Variants in TESC observed in about 807,000 individuals in gnomAD.
The protein encoded by TESC is calcineurin B homologous protein 3.
Under a neutral mutation model 31.0 loss-of-function variants are expected in TESC, and 19 were observed. That is an observed-to-expected ratio of 0.61 (90% CI 0.43 to 0.90). The LOEUF is 0.90. TESC is among the 40% of genes least tolerant of loss of function. The pLI, the probability that TESC is intolerant of heterozygous loss-of-function variation, is 0.00. For missense variants in TESC, 248 were observed against 303.8 expected, an observed-to-expected ratio of 0.82 and a Z score of 1.36; for synonymous variants, 109 against 114.8, an observed-to-expected ratio of 0.95 and a Z score of 0.32.
chr12:117,060,034 AG>A (rs1246937460), intron 2 of TESC, among the ~76,000 whole-genome samples: 1 of 152,106 alleles, frequency 6.6e-6, no homozygotes, highest in Non-Finnish European at 1.5e-5. Context: ...CAAAGTGGAG[AG>A]ATGTGGTTTC....
At chr12:117,054,667 C>A (rs1470209192) in intron 3 of TESC, among the ~76,000 whole-genome samples, 1 of 152,198 alleles carries the variant, frequency 6.6e-6, no homozygotes, top group Non-Finnish European at 1.5e-5. Flanking sequence ...TCCAGTGGGA[C>A]CCTGGGAGGC....
chr12:117,046,754 C>A (rs758644127), intron 5 of TESC, 23 bp downstream of exon 5: 3 of 1,557,426 alleles, frequency 1.9e-6, no homozygotes, highest in Non-Finnish European at 1.7e-6. Flanking sequence ...GAGCCCCGGG[C>A]GGGCCAGAGG....
At chr12:117,093,962 G>A (rs1955355085) in intron 1 of TESC, among the ~76,000 whole-genome samples, 1 of 151,992 alleles carries the variant, frequency 6.6e-6, no homozygotes, top group African/African-American at 2.4e-5. Flanking sequence ...AGGAAGTGGG[G>A]CCAGCTCAAG....
chr12:117,099,326 C>T lies in TESC; in HGVS notation c.-44G>A. The T allele has an allele frequency of 7.2e-7, 1 of 1,398,386 alleles. No individual in the cohort carries two copies. Among genetic ancestry groups the T allele is most frequent in the Non-Finnish European group, 9.3e-7 (1 of 1,080,188 alleles). The allele number at this position is 1,398,386 out of a possible 1,614,324, so 86.6% of individuals were successfully genotyped here. A position where few individuals can be genotyped will look rare whatever the true frequency, so the allele number is the denominator to read the frequency against. Reference sequence around the variant, plus strand: ...CCCGGGGCGCGCGTCCCTCTCAGGCCCCGCACTGGCTTCGGCTGCGCAGCG... The same window carrying T: ...CCCGGGGCGCGCGTCCCTCTCAGGCTCCGCACTGGCTTCGGCTGCGCAGCG... On this transcript the variant is annotated 5_prime_UTR_variant, in exon 1 of 8. Transcript: ENST00000335209.
At chr12:117,076,440 A>ATCTCAGG (rs1349763100) in intron 1 of TESC, among the ~76,000 whole-genome samples, 5 of 152,162 alleles carry the variant, frequency 3.3e-5, no homozygotes, top group African/African-American at 1.2e-4. Context: ...AGTGGATATT[A>ATCTCAGG]TCTCAGGTAT....
chr12:117,067,950 A>C (rs1954910531), intron 2 of TESC, among the ~76,000 whole-genome samples: 2 of 152,220 alleles, frequency 1.3e-5, no homozygotes, highest in East Asian at 1.9e-4. Context: ...GCTGGAGTGC[A>C]GTGGCAAGAC....
At chr12:117,053,280 C>A (rs918514072) in intron 3 of TESC, among the ~76,000 whole-genome samples, 1 of 152,218 alleles carries the variant, frequency 6.6e-6, no homozygotes. Context: ...AGTCTGGCAG[C>A]GGCATACCCA....
At chr12:117,040,584 C>T (rs1055882455) in intron 7 of TESC, among the ~76,000 whole-genome samples, 2 of 148,316 alleles carry the variant, frequency 1.3e-5, no homozygotes, top group Non-Finnish European at 3.0e-5. Context: ...CTTGCTCTGG[C>T]GGGCGTCACC....
chr12:117,048,346 G>A (rs1013815154), intron 4 of TESC, among the ~76,000 whole-genome samples: 1 of 152,204 alleles, frequency 6.6e-6, no homozygotes, highest in Admixed American at 6.5e-5. Flanking sequence ...ACACATTCCA[G>A]TGCTAAATAT....
rs1416087817 is a variant in TESC at position 117,038,954 on chromosome 12, G to A, written c.*179C>T. The A allele has an allele frequency of 3.8e-6, 2 of 525,250 alleles. No individual in the cohort carries two copies. The highest frequency in any genetic ancestry group is 6.6e-6 in the Non-Finnish European group (2 of 302,758). 32.5% of individuals were successfully genotyped at this position (525,250 alleles called of 1,614,324 possible). On this transcript the variant is annotated 3_prime_UTR_variant, in exon 8 of 8. Coordinates refer to ENST00000335209, the MANE Select transcript of TESC (RefSeq NM_017899.4). ...AACAAACCTTTTTTTTTTTTTTATT[G>A]GAGATAAAAACAGCGAAGTCCCACA...
At chr12:117,093,152 C>T (rs1048558799) in intron 1 of TESC, among the ~76,000 whole-genome samples, 5 of 152,170 alleles carry the variant, frequency 3.3e-5, no homozygotes, top group Non-Finnish European at 5.9e-5. Context: ...TGTTGGGGTG[C>T]TCCCCTGTCC....
intron 6 of TESC, among the ~76,000 whole-genome samples, chr12:117,045,317 T>C (rs550824230): frequency 6.6e-6 from 1 of 152,358 alleles, no homozygotes; most frequent in East Asian, 1.9e-4. Context: ...GGGGGTTTTA[T>C]GCAGATCAGC....
intron 2 of TESC, among the ~76,000 whole-genome samples, chr12:117,064,763 C>T (rs1954850701): frequency 6.6e-6 from 1 of 152,160 alleles, no homozygotes; most frequent in Admixed American, 6.5e-5. Flanking sequence ...AAAAAAGTGA[C>T]ATTTGAGCAG....
intron 6 of TESC, among the ~76,000 whole-genome samples, chr12:117,042,878 T>A (rs1249428910): frequency 2.6e-5 from 4 of 152,150 alleles, no homozygotes; most frequent in African/African-American, 9.7e-5. Context: ...TAGTGTTCCA[T>A]TACTGGAACG....
At chr12:117,044,090 C>T (rs1954522635) in intron 6 of TESC, among the ~76,000 whole-genome samples, 1 of 152,068 alleles carries the variant, frequency 6.6e-6, no homozygotes, top group African/African-American at 2.4e-5. Context: ...AGCAAAACAT[C>T]TCTTTTTTAA....
intron 1 of TESC, among the ~76,000 whole-genome samples, chr12:117,095,465 A>T (rs1335633861): frequency 6.6e-6 from 1 of 152,230 alleles, no homozygotes; most frequent in Non-Finnish European, 1.5e-5. Flanking sequence ...AGGCAGAGGA[A>T]CAGCTTTTGT....
chr12:117,044,427 G>A (rs1954527131), intron 6 of TESC, among the ~76,000 whole-genome samples: 1 of 152,156 alleles, frequency 6.6e-6, no homozygotes, highest in South Asian at 2.1e-4. Flanking sequence ...TTCCCAGGCT[G>A]GCCAAGGGGA....
intron 1 of TESC, chr12:117,098,487 G>T (rs7954085): frequency 0.12 from 18,535 of 152,360 alleles, 1,961 homozygotes; most frequent in African/African-American, 0.29. Context: ...TCCCCAGCCC[G>T]GCTGAACTCG....
intron 1 of TESC, among the ~76,000 whole-genome samples, chr12:117,080,148 T>C (rs926269350): frequency 1.3e-5 from 2 of 152,094 alleles, no homozygotes; most frequent in Non-Finnish European, 2.9e-5. Context: ...GGTTATCTAA[T>C]GAAGAGTTTC....
Sources: allele counts gnomAD v4.1 joint callset (sites outside exome capture counted in the v4.1 genomes callset), GRCh38; gene constraint gnomAD v4.1.1; transcripts MANE v1.5; gene names NCBI Gene and HGNC (gene_info 2026-07-23, HGNC 2026-07-21).